Variants in CMSS1 observed in about 807,000 individuals in gnomAD.
CMSS1 encodes cms1 ribosomal small subunit homolog, also known as protein CMSS1.
A neutral mutation model predicts 43.5 loss-of-function variants in CMSS1; 33 were observed. That is an observed-to-expected ratio of 0.76 (90% confidence interval 0.57 to 1.01). CMSS1 has a LOEUF of 1.01. Among genes scored for constraint, CMSS1 ranks in the 50% least tolerant of loss-of-function variants. CMSS1 has a pLI of 0.00. For synonymous variants in CMSS1, 115 were observed against 117.2 expected (o/e 0.98, Z 0.12); for missense variants, 313 against 326.4 (o/e 0.96, Z 0.32).
At chr3:100,168,501 C>G (rs2067082953) in intron 6 of CMSS1, among the ~76,000 whole-genome samples, 1 of 152,070 alleles carries the variant, frequency 6.6e-6, no homozygotes, top group South Asian at 2.1e-4. Flanking sequence ...TGAGACCAGC[C>G]TGGGCAACAT....
intron 8 of CMSS1, among the ~76,000 whole-genome samples, chr3:100,173,891 C>T (rs1263523266): frequency 6.6e-6 from 1 of 152,134 alleles, no homozygotes; most frequent in African/African-American, 2.4e-5. Flanking sequence ...GTTACTTAAC[C>T]CTTCTCAGCC....
rs539987936 is a variant in CMSS1 at position 100,051,057 on chromosome 3, ATATTT to A, written c.65-95911_65-95907del. On this transcript the variant is annotated intron_variant, in intron 1 of 9. Transcript: ENST00000421999. ...TCAATAGAGAAATCACATAAAAGTGATATTTTATTAGTATAAATTTATTTTTAAAC... is the reference window on the plus strand; with the variant it reads ...TCAATAGAGAAATCACATAAAAGTGATATTAGTATAAATTTATTTTTAAAC... Among the ~76,000 whole-genome samples, 640 of 152,292 alleles carry A rather than the reference ATATTT, an allele frequency of 4.2e-3. 4 individuals carry two copies. Among genetic ancestry groups the A allele is most frequent in the African/African-American group, 0.015 (608 of 41,568 alleles).
At chr3:100,168,499 G>A (rs112667072) in intron 6 of CMSS1, among the ~76,000 whole-genome samples, 3,868 of 152,132 alleles carry the variant, frequency 0.025, 169 homozygotes, top group African/African-American at 0.088. Flanking sequence ...CTTGAGACCA[G>A]CCTGGGCAAC....
intron 1 of CMSS1, among the ~76,000 whole-genome samples, chr3:99,842,642 A>G (rs1943189708): frequency 1.3e-5 from 2 of 152,246 alleles, no homozygotes; most frequent in East Asian, 1.9e-4. Context: ...AAATAATAAG[A>G]TAAGTTTTAT....
intron 1 of CMSS1, among the ~76,000 whole-genome samples, chr3:99,895,073 T>C (rs1040708490): frequency 1.3e-5 from 2 of 151,706 alleles, no homozygotes; most frequent in Non-Finnish European, 2.9e-5. Context: ...ACTCTTGCCC[T>C]CCAGGTGCCA....
intron 1 of CMSS1, among the ~76,000 whole-genome samples, chr3:100,080,605 T>G (rs2065918490): frequency 6.6e-6 from 1 of 152,096 alleles, no homozygotes. Flanking sequence ...CTGAAACTGG[T>G]TAGGTATGAA....
chr3:100,060,036 C>T (rs2065533208), intron 1 of CMSS1, among the ~76,000 whole-genome samples: 2 of 120,668 alleles, frequency 1.7e-5, no homozygotes, highest in East Asian at 2.3e-4. Flanking sequence ...TGGAGGAGGA[C>T]GGTTGGGGAA....
chr3:100,122,065 T>G (rs1421803219), intron 1 of CMSS1, among the ~76,000 whole-genome samples: 2 of 152,086 alleles, frequency 1.3e-5, no homozygotes, highest in Non-Finnish European at 2.9e-5. Context: ...CAGAACCCCA[T>G]GCAAATAAAC....
At chr3:99,897,623 T>C (rs1378906039) in intron 1 of CMSS1, among the ~76,000 whole-genome samples, 1 of 152,204 alleles carries the variant, frequency 6.6e-6, no homozygotes, top group Non-Finnish European at 1.5e-5. Flanking sequence ...TATCGTGTAT[T>C]TGAGGAGAAA....
At chr3:99,888,616 C>T (rs114970342) in intron 1 of CMSS1, among the ~76,000 whole-genome samples, 1,716 of 152,274 alleles carry the variant, frequency 0.011, 17 homozygotes, top group African/African-American at 0.025. Context: ...GTTTTAGGTA[C>T]ACCCTCCTAA....
chr3:99,858,117 G>A (rs1944061765), intron 1 of CMSS1, among the ~76,000 whole-genome samples: 1 of 152,156 alleles, frequency 6.6e-6, no homozygotes, highest in Admixed American at 6.5e-5. Context: ...GCTTTTGAGT[G>A]TATGGGCTGT....
chr3:99,899,757 G>T (rs1706376545), intron 1 of CMSS1, among the ~76,000 whole-genome samples: 1 of 152,130 alleles, frequency 6.6e-6, no homozygotes, highest in South Asian at 2.1e-4. Flanking sequence ...AACTCCCAGG[G>T]TGATGAACCA....
chr3:99,982,923 T>G (rs971555721), intron 1 of CMSS1, among the ~76,000 whole-genome samples: 1 of 152,176 alleles, frequency 6.6e-6, no homozygotes, highest in African/African-American at 2.4e-5. Flanking sequence ...TTTTTTAGTC[T>G]GTTACATCAA....
At chr3:100,121,525 A>G (rs537145479) in intron 1 of CMSS1, among the ~76,000 whole-genome samples, 1 of 152,298 alleles carries the variant, frequency 6.6e-6, no homozygotes, top group Admixed American at 6.5e-5. Context: ...AGTCTTTGCT[A>G]TTGTGAATAG....
chr3:99,889,162 AT>A (rs1198701463), intron 1 of CMSS1, among the ~76,000 whole-genome samples: 3 of 152,022 alleles, frequency 2.0e-5, no homozygotes, highest in Non-Finnish European at 4.4e-5. Flanking sequence ...AACCTTACTG[AT>A]TTTTATCTGC....
At chr3:100,036,577 C>T (rs138949027) in intron 1 of CMSS1, among the ~76,000 whole-genome samples, 1 of 152,278 alleles carries the variant, frequency 6.6e-6, no homozygotes, top group East Asian at 1.9e-4. Context: ...AGAATGCCTA[C>T]TAATAAATGT....
intron 1 of CMSS1, among the ~76,000 whole-genome samples, chr3:99,971,229 A>G (rs1380010067): frequency 6.6e-6 from 1 of 151,776 alleles, no homozygotes; most frequent in Non-Finnish European, 1.5e-5. Flanking sequence ...AGTCCCAGCT[A>G]CTCGGGAGGC....
At chr3:100,165,794 G>C (rs560473553) in intron 4 of CMSS1, among the ~76,000 whole-genome samples, 3 of 151,802 alleles carry the variant, frequency 2.0e-5, no homozygotes, top group Non-Finnish European at 4.4e-5. Context: ...AGAATTATAG[G>C]GTATATACAT....
chr3:99,924,383 TTA>T, intron 1 of CMSS1: 1 of 1,614,130 alleles, frequency 6.2e-7, no homozygotes, highest in Non-Finnish European at 8.5e-7. Context: ...GTAAGATTCT[TTA>T]TGTTTTTCCA....
Sources: allele counts gnomAD v4.1 joint callset (sites outside exome capture counted in the v4.1 genomes callset), GRCh38; gene constraint gnomAD v4.1.1; transcripts MANE v1.5; gene names NCBI Gene and HGNC (gene_info 2026-07-23, HGNC 2026-07-21).